Variants in NRDC observed in about 807,000 individuals in gnomAD.
NRDC encodes the protein nardilysin convertase.
A neutral mutation model predicts 147.1 loss-of-function variants in NRDC; 54 were observed. The observed-to-expected ratio is 0.37, with a 90% CI of 0.29 to 0.46. The LOEUF is 0.46. Among genes scored for constraint, NRDC ranks in the 20% least tolerant of loss-of-function variants. NRDC has a pLI of 1.00. For synonymous variants in NRDC, 440 were observed against 482.1 expected (o/e 0.91, Z 1.14); for missense variants, 1,082 against 1,370.6 (o/e 0.79, Z 3.33).
chr1:51,829,965 CTT>C (rs941972546), intron 4 of NRDC, among the ~76,000 whole-genome samples: 9 of 131,236 alleles, frequency 6.9e-5, no homozygotes, highest in African/African-American at 1.8e-4. Context: ...TCTTTTATTT[CTT>C]TTTTTTTTTT....
chr1:51,809,651 C>T (rs984429981), intron 16 of NRDC, among the ~76,000 whole-genome samples: 6 of 152,118 alleles, frequency 3.9e-5, no homozygotes, highest in Admixed American at 2.0e-4. Context: ...AAGCTCAACA[C>T]GTTGGGAGGC....
intron 1 of NRDC, 110 bp from the exon 2 acceptor site, chr1:51,840,624 C>T: frequency 1.6e-6 from 1 of 623,446 alleles, no homozygotes; most frequent in Non-Finnish European, 2.7e-6. Context: ...AAAGTACAAA[C>T]ACACACACAC....
In NRDC at chr1:51,794,627, A is replaced by G. The variant is rs370040219; in HGVS notation, c.2637-17T>C. 8 of 1,613,170 alleles carry G rather than the reference A, an allele frequency of 5.0e-6. No individual in the cohort carries two copies. The African/African-American group carries it at 9.3e-5, about 19-fold the overall frequency. On this transcript the variant is annotated splice_polypyrimidine_tract_variant and intron_variant, in intron 23 of 30. Transcript: ENST00000352171. ...TTTAGTTTGCTGCAAGAGAATCAGT[A>G]TGGGTCACTGAGGCACCCAAAAACT...
intron 10 of NRDC, among the ~76,000 whole-genome samples, chr1:51,816,988 G>A (rs1032845736): frequency 3.3e-5 from 5 of 152,064 alleles, no homozygotes; most frequent in South Asian, 2.1e-4. Flanking sequence ...GTAATAGTCC[G>A]AGTAATTGTG....
At chr1:51,849,598 CG>C (rs1200322845) in intron 1 of NRDC, among the ~76,000 whole-genome samples, 4 of 151,904 alleles carry the variant, frequency 2.6e-5, no homozygotes, top group Non-Finnish European at 5.9e-5. Flanking sequence ...GGATGGATCA[CG>C]AGGTCAGGAA....
intron 15 of NRDC, among the ~76,000 whole-genome samples, chr1:51,811,524 C>G (rs1337671250): frequency 6.6e-6 from 1 of 152,156 alleles, no homozygotes; most frequent in African/African-American, 2.4e-5. Context: ...AAGGAATGAC[C>G]CTGACCGACA....
chr1:51,852,760 T>C (rs183446446), intron 1 of NRDC, among the ~76,000 whole-genome samples: 102 of 152,148 alleles, frequency 6.7e-4, no homozygotes, highest in Non-Finnish European at 1.0e-3. Context: ...TATGCTTCCT[T>C]GTGGACTTTC....
intron 1 of NRDC, among the ~76,000 whole-genome samples, chr1:51,847,646 C>A (rs1681718464): frequency 6.6e-6 from 1 of 152,230 alleles, no homozygotes; most frequent in Non-Finnish European, 1.5e-5. Flanking sequence ...CTGCCAGGGG[C>A]CAGCGGCCAC....
In NRDC at chr1:51,801,944, C is replaced by T. The variant is rs900860072; in HGVS notation, c.2314-1261G>A. 3.3e-5 allele frequency among the ~76,000 whole-genome samples: 5 copies of T among 152,170 alleles called. No homozygotes were observed. The East Asian group carries it at 7.7e-4, about 24-fold the overall frequency. Reference sequence around the variant, plus strand: ...CTGAGACTACAGGCGCCTGCCACCACGCCTGGCAAATTTTTTGTATCTTTA... The same window carrying T: ...CTGAGACTACAGGCGCCTGCCACCATGCCTGGCAAATTTTTTGTATCTTTA... On this transcript the variant is annotated intron_variant, in intron 20 of 30. Coordinates refer to ENST00000352171, the MANE Select transcript of NRDC (RefSeq NM_001101662.2).
intron 6 of NRDC, among the ~76,000 whole-genome samples, chr1:51,824,170 G>C (rs1486313143): frequency 6.7e-6 from 1 of 148,532 alleles, no homozygotes; most frequent in African/African-American, 2.5e-5. Context: ...TTGTCGCCCA[G>C]GCTGGAGTGC....
At chr1:51,825,230 C>G in intron 6 of NRDC, 57 bp downstream of exon 6, 1 of 1,147,148 alleles carries the variant, frequency 8.7e-7, no homozygotes, top group Non-Finnish European at 1.3e-6. Flanking sequence ...ATCAACTTTT[C>G]TTATTCTAAA....
At chr1:51,843,311 TAAAAA>T (rs11326967) in intron 1 of NRDC, among the ~76,000 whole-genome samples, 2 of 139,446 alleles carry the variant, frequency 1.4e-5, no homozygotes, top group Admixed American at 7.2e-5. Flanking sequence ...CAAAAAAGGT[TAAAAA>T]AAAAAAAAAA....
chr1:51,870,903 C>T (rs1011907721), intron 1 of NRDC, among the ~76,000 whole-genome samples: 3 of 151,970 alleles, frequency 2.0e-5, no homozygotes, highest in South Asian at 2.1e-4. Context: ...GCAAGACATG[C>T]TCACCTCTTA....
At chr1:51,816,974 T>C (rs1285463403) in intron 10 of NRDC, among the ~76,000 whole-genome samples, 1 of 152,244 alleles carries the variant, frequency 6.6e-6, no homozygotes, top group Non-Finnish European at 1.5e-5. Context: ...CACATACTAA[T>C]AATGTAATAG....
intron 14 of NRDC, among the ~76,000 whole-genome samples, chr1:51,812,312 T>C (rs747458392): frequency 2.0e-5 from 3 of 151,788 alleles, no homozygotes; most frequent in Non-Finnish European, 4.4e-5. Flanking sequence ...GAGACAGAGG[T>C]GGTTAGATTA....
At chr1:51,823,625 T>C (rs766673913) in intron 7 of NRDC, 39 bp downstream of exon 7, 3 of 1,544,580 alleles carry the variant, frequency 1.9e-6, no homozygotes, top group East Asian at 4.6e-5. Flanking sequence ...AAGAAAGCGC[T>C]ACTTCAAGGT....
At chr1:51,793,458 G>A (rs1281799969) in intron 24 of NRDC, among the ~76,000 whole-genome samples, 1 of 152,166 alleles carries the variant, frequency 6.6e-6, no homozygotes, top group African/African-American at 2.4e-5. Context: ...TCTACGGAAG[G>A]ACAAAAATAT....
intron 2 of NRDC, among the ~76,000 whole-genome samples, chr1:51,839,179 A>G (rs1256868905): frequency 1.6e-4 from 12 of 73,576 alleles, no homozygotes; most frequent in African/African-American, 5.8e-4. Context: ...TTTTTTTTTG[A>G]GACAAAGTCT....
chr1:51,869,059 C>T (rs545213646), intron 1 of NRDC, among the ~76,000 whole-genome samples: 1 of 152,150 alleles, frequency 6.6e-6, no homozygotes, highest in South Asian at 2.1e-4. Flanking sequence ...CCTACCTCAG[C>T]CTTCCAAGTA....
Sources: gnomAD v4.1 joint callset for allele counts (sites outside exome capture counted in the v4.1 genomes callset) on GRCh38, gnomAD v4.1.1 for gene constraint, MANE v1.5 for transcripts, NCBI Gene and HGNC (gene_info 2026-07-23, HGNC 2026-07-21) for gene names.